Variants in TENM3 observed in about 807,000 individuals in gnomAD.
TENM3 encodes the protein teneurin-3.
Under a neutral mutation model 255.1 loss-of-function variants are expected in TENM3, and 63 were observed. The ratio of observed to expected loss-of-function variants is 0.25; its 90% confidence interval spans 0.20 to 0.30. The LOEUF (loss-of-function observed/expected upper bound fraction) is 0.30, where lower values mean the gene tolerates loss of function less well. TENM3 is among the 10% of genes least tolerant of loss of function. The pLI, the probability that TENM3 is intolerant of heterozygous loss-of-function variation, is 1.00. For synonymous variants in TENM3, 1,306 were observed against 1,322.3 expected, an observed-to-expected ratio of 0.99 and a Z score of 0.27; for missense variants, 2,929 against 3,461.1, an observed-to-expected ratio of 0.85 and a Z score of 3.86.
chr4:182,576,635 A>G (rs138160355), intron 3 of TENM3, among the ~76,000 whole-genome samples: 4 of 152,282 alleles, frequency 2.6e-5, no homozygotes, highest in Admixed American at 6.5e-5. Context: ...AAGCTAATCA[A>G]TTTATTCTGC....
intron 3 of TENM3, among the ~76,000 whole-genome samples, chr4:182,358,398 C>A (rs921876356): frequency 4.6e-5 from 7 of 151,050 alleles, no homozygotes; most frequent in Non-Finnish European, 8.8e-5. Flanking sequence ...TTTCATTGAG[C>A]AGTGGTTTGT....
At chr4:181,453,742 T>C in the TENM3 span, among the ~76,000 whole-genome samples, 1,360 of 152,236 alleles carry the variant, frequency 8.9e-3, 24 homozygotes, top group African/African-American at 0.031. Context: ...CAGCAAAGTC[T>C]TCACTCCAAC....
At chr4:181,575,257 A>G in the TENM3 span, among the ~76,000 whole-genome samples, 1 of 152,160 alleles carries the variant, frequency 6.6e-6, no homozygotes, top group African/African-American at 2.4e-5. Flanking sequence ...ACTTTCAAGA[A>G]TTTAGTTTAT....
intron 3 of TENM3, among the ~76,000 whole-genome samples, chr4:182,477,334 C>T (rs186247170): frequency 2.0e-5 from 3 of 152,276 alleles, no homozygotes; most frequent in African/African-American, 7.2e-5. Flanking sequence ...AGTGTGAAGA[C>T]ACTGTCTTCC....
At chr4:182,668,530 C>T (rs995221071) in intron 6 of TENM3, among the ~76,000 whole-genome samples, 7 of 152,168 alleles carry the variant, frequency 4.6e-5, no homozygotes, top group African/African-American at 1.7e-4. Flanking sequence ...AAAAAATCAT[C>T]ACAATTGCTA....
intron 1 of TENM3, among the ~76,000 whole-genome samples, chr4:182,262,759 G>C (rs1273020410): frequency 9.6e-5 from 14 of 146,514 alleles, no homozygotes; most frequent in African/African-American, 3.6e-4. Flanking sequence ...TCTCGCCCAG[G>C]CTGGAATGCA....
chr4:181,921,936 T>G, the TENM3 span, among the ~76,000 whole-genome samples: 2,350 of 152,320 alleles, frequency 0.015, 64 homozygotes, highest in African/African-American at 0.053. Context: ...TGAGAGTTTT[T>G]AGCATGAAAG....
the TENM3 span, among the ~76,000 whole-genome samples, chr4:182,085,602 TAAAAG>T: frequency 1.4e-3 from 215 of 152,214 alleles, no homozygotes; most frequent in African/African-American, 5.1e-3. Flanking sequence ...AATTCACACT[TAAAAG>T]AAAAATATTA....
chr4:181,538,860 A>G, the TENM3 span, among the ~76,000 whole-genome samples: 1 of 152,202 alleles, frequency 6.6e-6, no homozygotes, highest in Non-Finnish European at 1.5e-5. Flanking sequence ...TTCTAAATAA[A>G]TCCTGAATGA....
the TENM3 span, among the ~76,000 whole-genome samples, chr4:181,523,974 G>A: frequency 1.3e-5 from 2 of 152,120 alleles, no homozygotes; most frequent in African/African-American, 2.4e-5. Context: ...AGAAACAAAA[G>A]GCCATTCAAT....
chr4:181,551,310 A>G, the TENM3 span, among the ~76,000 whole-genome samples: 38 of 150,458 alleles, frequency 2.5e-4, no homozygotes, highest in African/African-American at 8.1e-4. Flanking sequence ...TTCTTTTTCT[A>G]GTTACAATTA....
At chr4:182,489,294 A>AT (rs1735052744) in intron 3 of TENM3, among the ~76,000 whole-genome samples, 1 of 152,150 alleles carries the variant, frequency 6.6e-6, no homozygotes, top group Non-Finnish European at 1.5e-5. Context: ...TTCTTCTCTA[A>AT]TTTTTTATGT....
chr4:181,790,657 C>T, the TENM3 span, among the ~76,000 whole-genome samples: 1 of 152,166 alleles, frequency 6.6e-6, no homozygotes, highest in Admixed American at 6.5e-5. Flanking sequence ...TCAATCTAGA[C>T]CCAGAAGAAT....
the TENM3 span, among the ~76,000 whole-genome samples, chr4:181,721,440 C>CA: frequency 0.68 from 96,104 of 140,760 alleles, 34,231 homozygotes; most frequent in East Asian, 0.81. Flanking sequence ...ACTAAAAATA[C>CA]AAAAAAAAAA....
At chr4:181,899,134 A>G in the TENM3 span, among the ~76,000 whole-genome samples, 37 of 152,064 alleles carry the variant, frequency 2.4e-4, 1 homozygote, top group Admixed American at 9.8e-4. Flanking sequence ...TTTTTTTTCC[A>G]GAGAAAAGAA....
In TENM3 at chr4:182,796,751, A is replaced by C. The variant is rs1190284317; in HGVS notation, c.7328A>C (p.Gln2443Pro). ...EPSYELVKSQ[Q>P]WDDIPPIFGV... The stretch of plus-strand genomic sequence containing the variant: ...TCTTACGAACTTGTGAAGAGTCAGC[A>C]GTGGGATGATATACCGGTAAGAAAC... Residue 2443 changes from glutamine to proline, a missense_variant, in exon 27 of 28, where the codon CAG (glutamine) becomes CCG (proline). Physicochemically the swap from Gln to Pro is moderately conservative, Grantham distance 76. Around this residue, in one of 6 missense-constraint regions of TENM3, gnomAD observed 476 missense variants for 480.1 expected, o/e 0.99. Coordinates refer to ENST00000511685, the MANE Select transcript of TENM3 (RefSeq NM_001080477.4). 6.2e-7 allele frequency: 1 copy of C among 1,609,056 alleles called. No individual in the cohort carries two copies. Among genetic ancestry groups the C allele is most frequent in the Admixed American group, 1.7e-5 (1 of 59,368 alleles).
At chr4:182,234,240 T>A (rs1756755716) in intron 1 of TENM3, among the ~76,000 whole-genome samples, 1 of 152,136 alleles carries the variant, frequency 6.6e-6, no homozygotes, top group Admixed American at 6.5e-5. Flanking sequence ...AAAAGTTCGT[T>A]CATCCACAGA....
At chr4:182,577,280 G>C (rs552599908) in intron 3 of TENM3, among the ~76,000 whole-genome samples, 3 of 152,198 alleles carry the variant, frequency 2.0e-5, no homozygotes, top group Non-Finnish European at 4.4e-5. Flanking sequence ...GTGTAGTAGG[G>C]AGGAAAGCTT....
chr4:182,151,804 G>A (rs1750378683), intron 1 of TENM3, among the ~76,000 whole-genome samples: 1 of 151,922 alleles, frequency 6.6e-6, no homozygotes, highest in South Asian at 2.1e-4. Flanking sequence ...GTGTAATGAT[G>A]AGAATAGTTG....
Sources: allele counts gnomAD v4.1 joint callset (sites outside exome capture counted in the v4.1 genomes callset), GRCh38; gene constraint gnomAD v4.1.1; regional missense constraint gnomAD v4.1.1; transcripts MANE v1.5; gene names NCBI Gene and HGNC (gene_info 2026-07-23, HGNC 2026-07-21).